DTD1: variants seen among roughly 807,000 people sequenced by gnomAD.
DTD1 encodes D-tyrosyl-tRNA deacylase 1 homolog.
In DTD1, 13 loss-of-function variants were observed where a neutral mutation model predicts 25.6. That is an observed-to-expected ratio of 0.51 (90% CI 0.33 to 0.81). DTD1 has a LOEUF of 0.81. Ranked by LOEUF, DTD1 falls within the 30% of genes least tolerant of loss-of-function variation. The pLI is 0.02. For synonymous variants in DTD1, 110 were observed against 103.6 expected, an observed-to-expected ratio of 1.06 and a Z score of -0.37; for missense variants, 193 against 266.4, an observed-to-expected ratio of 0.72 and a Z score of 1.92.
At chr20:18,758,978 A>T (rs1420303019) in intron 5 of DTD1, among the ~76,000 whole-genome samples, 1 of 152,012 alleles carries the variant, frequency 6.6e-6, no homozygotes, top group Non-Finnish European at 1.5e-5. Flanking sequence ...TGATCTCTTT[A>T]CCATTATGTA....
At chr20:18,657,622 A>G (rs1437907739) in intron 4 of DTD1, among the ~76,000 whole-genome samples, 6 of 152,226 alleles carry the variant, frequency 3.9e-5, no homozygotes, top group Non-Finnish European at 2.9e-5. Context: ...CTTATTGTCT[A>G]TTGAGTGCTT....
chr20:18,608,929 A>G (rs566626307), intron 3 of DTD1, among the ~76,000 whole-genome samples: 134 of 152,306 alleles, frequency 8.8e-4, no homozygotes, highest in African/African-American at 3.1e-3. Flanking sequence ...ACTAAATATC[A>G]TCATATTTTA....
At chr20:18,692,541 G>A (rs1197861607) in intron 4 of DTD1, among the ~76,000 whole-genome samples, 1 of 152,168 alleles carries the variant, frequency 6.6e-6, no homozygotes, top group African/African-American at 2.4e-5. Flanking sequence ...ACTCACTGAG[G>A]GAAGAAGACA....
intron 4 of DTD1, among the ~76,000 whole-genome samples, chr20:18,637,272 A>C (rs1490795358): frequency 6.6e-6 from 1 of 152,194 alleles, no homozygotes; most frequent in Non-Finnish European, 1.5e-5. Context: ...TCAGTCTCCC[A>C]ACACCCCTTC....
intron 4 of DTD1, among the ~76,000 whole-genome samples, chr20:18,683,702 C>T (rs959487159): frequency 6.6e-6 from 1 of 152,230 alleles, no homozygotes; most frequent in African/African-American, 2.4e-5. Flanking sequence ...GCAGTTTATG[C>T]TCCCATTCAA....
intron 4 of DTD1, among the ~76,000 whole-genome samples, chr20:18,639,138 T>C (rs2122332575): frequency 6.8e-6 from 1 of 146,364 alleles, no homozygotes; most frequent in East Asian, 2.0e-4. Context: ...TTGGGCACAG[T>C]CTGGACACAA....
chr20:18,760,641 C>G (rs1026923554), intron 5 of DTD1, among the ~76,000 whole-genome samples: 1 of 152,150 alleles, frequency 6.6e-6, no homozygotes, highest in African/African-American at 2.4e-5. Context: ...GTTAGTCTGC[C>G]CCTACAGTGC....
intron 4 of DTD1, among the ~76,000 whole-genome samples, chr20:18,669,732 A>G (rs1247095143): frequency 6.6e-6 from 1 of 151,694 alleles, no homozygotes; most frequent in African/African-American, 2.4e-5. Flanking sequence ...AGGCCTTATC[A>G]CTCCAAACTG....
chr20:18,714,296 T>G (rs2061171276), intron 4 of DTD1, among the ~76,000 whole-genome samples: 1 of 152,180 alleles, frequency 6.6e-6, no homozygotes, highest in East Asian at 1.9e-4. Context: ...ACCACTTGTG[T>G]GTTTGTTTAT....
At chr20:18,746,515 T>TG (rs1367427596) in intron 5 of DTD1, among the ~76,000 whole-genome samples, 3 of 144,354 alleles carry the variant, frequency 2.1e-5, no homozygotes, top group African/African-American at 7.5e-5. Context: ...CTGGGCAACA[T>TG]GGTGAGACCC....
chr20:18,698,476 T>G (rs192467490), intron 4 of DTD1: 24 of 152,404 alleles, frequency 1.6e-4, no homozygotes, highest in African/African-American at 4.6e-4. Flanking sequence ...ATAACCCACA[T>G]GCGTTAAGCA....
chr20:18,656,645 T>C (rs1191804648), intron 4 of DTD1, among the ~76,000 whole-genome samples: 2 of 152,178 alleles, frequency 1.3e-5, no homozygotes, highest in African/African-American at 4.8e-5. Flanking sequence ...CCATTGTAGA[T>C]TTGACAGCTC....
intron 4 of DTD1, among the ~76,000 whole-genome samples, chr20:18,666,800 A>G (rs77175925): frequency 0.019 from 2,916 of 152,288 alleles, 36 homozygotes; most frequent in Middle Eastern, 0.044. Flanking sequence ...TCAAAAAAGG[A>G]ATCAGTTTAT....
chr20:18,700,553 A>AT (rs377538516), intron 4 of DTD1, among the ~76,000 whole-genome samples: 29 of 144,402 alleles, frequency 2.0e-4, no homozygotes, highest in African/African-American at 3.1e-4. Flanking sequence ...TACAAGTGGG[A>AT]TTTTTTTTGT....
chr20:18,702,089 C>T (rs1300602128), intron 4 of DTD1, among the ~76,000 whole-genome samples: 1 of 152,188 alleles, frequency 6.6e-6, no homozygotes, highest in African/African-American at 2.4e-5. Context: ...CTCTTATTCA[C>T]TTCCATTTTA....
At chr20:18,693,173 G>A (rs561373255) in intron 4 of DTD1, among the ~76,000 whole-genome samples, 29 of 152,112 alleles carry the variant, frequency 1.9e-4, no homozygotes, top group Non-Finnish European at 2.8e-4. Flanking sequence ...GATTACAGGC[G>A]TAAGCCACTG....
chr20:18,623,602 C>T (rs539060866), intron 3 of DTD1, among the ~76,000 whole-genome samples: 1 of 152,168 alleles, frequency 6.6e-6, no homozygotes, highest in Non-Finnish European at 1.5e-5. Context: ...GTTTGCCTCA[C>T]CTGGGACATG....
At chr20:18,636,000 G>A (rs2060805915) in intron 4 of DTD1, among the ~76,000 whole-genome samples, 1 of 152,144 alleles carries the variant, frequency 6.6e-6, no homozygotes, top group African/African-American at 2.4e-5. Context: ...TCTCCAACCA[G>A]AGCAAAATAT....
chr20:18,753,072 T>G (rs1600223862), intron 5 of DTD1, among the ~76,000 whole-genome samples: 2 of 152,206 alleles, frequency 1.3e-5, no homozygotes, highest in Non-Finnish European at 1.5e-5. Context: ...TACAAATAAT[T>G]TAGAGTGTGC....
Sources: allele counts gnomAD v4.1 joint callset (sites outside exome capture counted in the v4.1 genomes callset), GRCh38; gene constraint gnomAD v4.1.1; transcripts MANE v1.5; gene names NCBI Gene and HGNC (gene_info 2026-07-23, HGNC 2026-07-21).